SLC22A8: variants seen among roughly 807,000 people sequenced by gnomAD.
The protein encoded by SLC22A8 is solute carrier family 22 member 8.
Under a neutral mutation model 48.4 loss-of-function variants are expected in SLC22A8, and 40 were observed. That is an observed-to-expected ratio of 0.83 (90% CI 0.64 to 1.08). The LOEUF is 1.08. Among genes scored for constraint, SLC22A8 ranks in the 50% least tolerant of loss-of-function variants. The pLI is 0.00. For synonymous variants in SLC22A8, 268 were observed against 286.3 expected, an observed-to-expected ratio of 0.94 and a Z score of 0.65; for missense variants, 606 against 699.0, an observed-to-expected ratio of 0.87 and a Z score of 1.50.
chr11:62,994,831 C>G, intron 7 of SLC22A8, 75 bp from the exon 8 acceptor site: 1 of 1,110,416 alleles, frequency 9.0e-7, no homozygotes, highest in East Asian at 2.4e-5. Flanking sequence ...ATTGGGTCAC[C>G]AGGATGATGA....
Position 62,993,511 on chromosome 11 carries a change from G to A in SLC22A8, c.1442C>T (p.Thr481Ile), listed in dbSNP as rs370401635. Residue 481 changes from threonine (T) to isoleucine (I), a missense_variant, in exon 10 of 11, where the codon ACC becomes ATC. Physicochemically the swap from Thr to Ile is moderately conservative, Grantham distance 89. Transcript: ENST00000336232. ...GGCAGCACTGCCCCCGAGGAGGGCG[G>A]TGATCCCGTAGATGATATTGGGGAT... ...PFIPNIIYGI[T>I]ALLGGSAALF... 26 of 1,614,212 alleles carry A rather than the reference G, an allele frequency of 1.6e-5. No homozygotes were observed. The highest frequency in any genetic ancestry group is 2.2e-5 in the Non-Finnish European group (26 of 1,180,028).
intron 2 of SLC22A8, among the ~76,000 whole-genome samples, chr11:63,005,180 T>G (rs983471081): frequency 1.3e-5 from 2 of 152,220 alleles, no homozygotes; most frequent in Non-Finnish European, 2.9e-5. Context: ...CCCAGAGATT[T>G]CATGGTTAAT....
chr11:63,002,583 G>A (rs370735017), intron 2 of SLC22A8, among the ~76,000 whole-genome samples: 78 of 151,860 alleles, frequency 5.1e-4, no homozygotes, highest in African/African-American at 1.8e-3. Flanking sequence ...CTCTACTTCT[G>A]TGAATTGGAC....
chr11:63,005,472 T>C (rs2086543803), intron 2 of SLC22A8, among the ~76,000 whole-genome samples: 6 of 152,252 alleles, frequency 3.9e-5, no homozygotes, highest in Admixed American at 3.9e-4. Context: ...ATGGGTTGAC[T>C]TGTGTCCCTC....
intron 2 of SLC22A8, among the ~76,000 whole-genome samples, chr11:63,008,384 C>T (rs2086580266): frequency 6.6e-6 from 1 of 152,166 alleles, no homozygotes. Context: ...TGCTGCTGCC[C>T]ATGTGCATTC....
In SLC22A8 at chr11:62,993,453, C is replaced by A. The variant is rs2086368204; in HGVS notation, c.1500G>T (p.Leu500Phe). Residue 500 changes from leucine to phenylalanine, a missense_variant, in exon 10 of 11, where the codon TTG becomes TTT. Physicochemically the swap from Leu to Phe is conservative, Grantham distance 22. Transcript: ENST00000336232. ...TTTCCAGGTCTTCGATAGTCTCTGGCAAGGGCTGATTCAGGGTCTCAGGCA... is the reference window on the plus strand; with the variant it reads ...TTTCCAGGTCTTCGATAGTCTCTGGAAAGGGCTGATTCAGGGTCTCAGGCA... ...LFLPETLNQP[L>F]PETIEDLENW... The A allele has an allele frequency of 6.2e-7, 1 of 1,614,180 alleles. No homozygotes were observed. Among genetic ancestry groups the A allele is most frequent in the Non-Finnish European group, 8.5e-7 (1 of 1,180,020 alleles).
intron 5 of SLC22A8, among the ~76,000 whole-genome samples, chr11:62,997,558 T>G (rs1019434489): frequency 2.6e-5 from 4 of 152,184 alleles, no homozygotes; most frequent in Admixed American, 6.5e-5. Flanking sequence ...GGCATGAGAC[T>G]TGCCCCAAGT....
intron 5 of SLC22A8, 72 bp downstream of exon 5, chr11:62,998,849 G>A: frequency 7.2e-7 from 1 of 1,398,526 alleles, no homozygotes; most frequent in South Asian, 1.3e-5. Context: ...TGGCCAGCCT[G>A]GGCAGGTATG....
intron 2 of SLC22A8, among the ~76,000 whole-genome samples, chr11:63,014,105 G>A (rs190329168): frequency 6.6e-6 from 1 of 152,214 alleles, no homozygotes; most frequent in African/African-American, 2.4e-5. Context: ...TGCACAAGAC[G>A]GACTTTTCCT....
At position 63,014,756 on chromosome 11, in the gene SLC22A8, C is replaced by T. The variant is rs202159634; in HGVS notation, c.203G>A (p.Gly68Glu). ...GPWVLPMGPN[G>E]KPERCLRFVH... is the part of the protein sequence containing the mutation. The stretch of plus-strand genomic sequence containing the variant: ...AAAACGGAGGCACCTCTCAGGCTTC[C>T]CATTTGGGCCCATGGGGAGCACCCA... The change falls in exon 2 of 11, where the codon GGG becomes GAG. Residue 68 changes from glycine to glutamate, a missense_variant. By Grantham distance (98) the Gly-to-Glu change is moderately conservative. Coordinates refer to ENST00000336232, the MANE Select transcript of SLC22A8 (RefSeq NM_004254.4). 5 of 1,614,084 alleles carry T rather than the reference C, an allele frequency of 3.1e-6. No homozygotes were observed. In the East Asian group the frequency reaches 6.7e-5, roughly 22 times the overall value.
rs151123513 is a variant in SLC22A8 at position 63,014,833 on chromosome 11, G to C, written c.126C>G (p.Ala42=). 1 of 1,612,482 alleles carries C rather than the reference G, an allele frequency of 6.2e-7. No homozygotes were observed. The highest frequency in any genetic ancestry group is 1.1e-5 in the South Asian group (1 of 90,990). Residue 42 remains alanine (A), a synonymous_variant, in exon 2 of 11, where the codon GCC becomes GCG. Coordinates refer to ENST00000336232, the MANE Select transcript of SLC22A8 (RefSeq NM_004254.4). ...ANHNLLQIFT[A]ATPVHHCRPP... is the part of the protein sequence containing the mutation. Reference sequence around the variant, plus strand: ...GGCGACAGTGGTGGACAGGGGTGGCGGCTGTGAAGATCTGCAGCAGGTTGT... The same window carrying C: ...GGCGACAGTGGTGGACAGGGGTGGCCGCTGTGAAGATCTGCAGCAGGTTGT...
At chr11:63,015,555 C>T (rs1200727695) in intron 1 of SLC22A8, among the ~76,000 whole-genome samples, 174 bp downstream of exon 1, 1 of 152,236 alleles carries the variant, frequency 6.6e-6, no homozygotes, top group East Asian at 1.9e-4. Flanking sequence ...TCAGAGCCTC[C>T]TGGCTTCTGG....
intron 2 of SLC22A8, among the ~76,000 whole-genome samples, chr11:63,003,731 A>G (rs1316801148): frequency 6.6e-6 from 1 of 152,078 alleles, no homozygotes; most frequent in Non-Finnish European, 1.5e-5. Flanking sequence ...TGTTACTTCC[A>G]CCTCATTTGC....
At chr11:62,997,170 T>A (rs1043296258) in intron 5 of SLC22A8, among the ~76,000 whole-genome samples, 14 of 152,260 alleles carry the variant, frequency 9.2e-5, no homozygotes, top group Non-Finnish European at 2.9e-5. Context: ...ACCAGGCCCA[T>A]GAAACTCTGG....
intron 2 of SLC22A8, among the ~76,000 whole-genome samples, chr11:63,006,578 G>C (rs1590697920): frequency 7.5e-6 from 1 of 133,852 alleles, no homozygotes; most frequent in East Asian, 2.3e-4. Flanking sequence ...GCTGAGGACT[G>C]AGAATGTCTC....
chr11:63,006,960 A>T (rs2086564007), intron 2 of SLC22A8, among the ~76,000 whole-genome samples: 1 of 152,130 alleles, frequency 6.6e-6, no homozygotes, highest in Admixed American at 6.5e-5. Context: ...GTATATGTTA[A>T]TGTTTCCTCA....
intron 2 of SLC22A8, among the ~76,000 whole-genome samples, chr11:63,009,403 C>T (rs1407693426): frequency 1.3e-5 from 2 of 152,036 alleles, no homozygotes; most frequent in Non-Finnish European, 2.9e-5. Flanking sequence ...CTTCTTGCAG[C>T]CCTGGAGACA....
At chr11:63,000,370 G>T (rs777092322) in intron 3 of SLC22A8, among the ~76,000 whole-genome samples, 1 of 152,056 alleles carries the variant, frequency 6.6e-6, no homozygotes, top group Non-Finnish European at 1.5e-5. Flanking sequence ...TGTAATCCCA[G>T]CTACTCGGGT....
chr11:63,002,190 G>T (rs1415087048), intron 2 of SLC22A8, among the ~76,000 whole-genome samples: 1 of 152,072 alleles, frequency 6.6e-6, no homozygotes, highest in African/African-American at 2.4e-5. Context: ...AATTACAGAT[G>T]TGAGTCACCA....
Sources: allele counts gnomAD v4.1 joint callset (sites outside exome capture counted in the v4.1 genomes callset), GRCh38; gene constraint gnomAD v4.1.1; transcripts MANE v1.5; gene names NCBI Gene and HGNC (gene_info 2026-07-23, HGNC 2026-07-21).